Variants in IBSP observed in about 807,000 individuals in gnomAD.
IBSP encodes the protein integrin-binding sialoprotein.
Under a neutral mutation model 25.5 loss-of-function variants are expected in IBSP, and 19 were observed. That is an observed-to-expected ratio of 0.74 (90% CI 0.52 to 1.09). The LOEUF (loss-of-function observed/expected upper bound fraction) is 1.09. Among genes scored for constraint, IBSP ranks in the 50% least tolerant of loss-of-function variants. The pLI, the probability that IBSP is intolerant of heterozygous loss-of-function variation, is 0.00. For missense variants in IBSP, 360 were observed against 382.3 expected (o/e 0.94, Z 0.49); for synonymous variants, 144 against 137.6 (o/e 1.05, Z -0.33).
intron 5 of IBSP, among the ~76,000 whole-genome samples, chr4:87,809,278 T>C (rs1305642686): frequency 6.6e-6 from 1 of 152,164 alleles, no homozygotes; most frequent in African/African-American, 2.4e-5. Context: ...ATAAAGTATC[T>C]GGGAAAAGAA....
At chr4:87,808,517 T>G (rs757705895) in intron 5 of IBSP, among the ~76,000 whole-genome samples, 4 of 152,112 alleles carry the variant, frequency 2.6e-5, no homozygotes, top group Non-Finnish European at 5.9e-5. Flanking sequence ...CATAATAAAA[T>G]TATCCTAATT....
intron 4 of IBSP, among the ~76,000 whole-genome samples, chr4:87,803,608 C>A (rs763301163): frequency 3.3e-5 from 5 of 152,154 alleles, no homozygotes; most frequent in Non-Finnish European, 7.3e-5. Context: ...GAAAACGATG[C>A]CTCAGCACAG....
At chr4:87,806,100 A>G in intron 4 of IBSP, 22 bp from the exon 5 acceptor site, 2 of 1,568,462 alleles carry the variant, frequency 1.3e-6, no homozygotes, top group South Asian at 1.1e-5. Context: ...AAGAGTATAC[A>G]TACATGTGTA....
chr4:87,811,277 T>A, intron 6 of IBSP, 85 bp from the exon 7 acceptor site: 1 of 1,430,332 alleles, frequency 7.0e-7, no homozygotes, highest in Admixed American at 2.3e-5. Context: ...AATAAGGCTG[T>A]CAGTATTGTG....
chr4:87,803,902 T>A (rs1036646292), intron 4 of IBSP, among the ~76,000 whole-genome samples: 4 of 152,198 alleles, frequency 2.6e-5, no homozygotes, highest in Admixed American at 1.3e-4. Flanking sequence ...AGTCTCTGAC[T>A]AGCTCCTAAA....
At position 87,811,988 on chromosome 4, in the gene IBSP, C is replaced by A; in HGVS notation, c.*78C>A. 1 of 1,127,548 alleles carries A rather than the reference C, an allele frequency of 8.9e-7. No individual in the cohort carries two copies. The highest frequency in any genetic ancestry group is 1.3e-6 in the Non-Finnish European group (1 of 790,736). 69.8% of individuals were successfully genotyped at this position (1,127,548 alleles called of 1,614,324 possible). On this transcript the variant is annotated 3_prime_UTR_variant, in exon 7 of 7. Transcript: ENST00000226284. ...TTTCGAAGTTCAACTCAGGAAGGTG[C>A]AATATAACAAATGTGCATATTATAA...
At chr4:87,810,405 G>T (rs1008229857) in intron 5 of IBSP, among the ~76,000 whole-genome samples, 1 of 152,160 alleles carries the variant, frequency 6.6e-6, no homozygotes, top group African/African-American at 2.4e-5. Flanking sequence ...GGAGTAAGGA[G>T]GATTCAATAA....
rs1722145703 is a variant in IBSP at position 87,809,895 on chromosome 4, G to T, written c.247-711G>T. On this transcript the variant is annotated intron_variant, in intron 5 of 6. Transcript: ENST00000226284. ...AAAGGCTAAAAGATTAAATATTAAAGATTATAATAGACATTCATTTGAAGA... is the reference window on the plus strand; with the variant it reads ...AAAGGCTAAAAGATTAAATATTAAATATTATAATAGACATTCATTTGAAGA... Among the ~76,000 whole-genome samples the T allele has an allele frequency of 2.6e-5, 4 of 152,210 alleles. No homozygotes were observed. In the South Asian group the frequency reaches 8.3e-4, roughly 32 times the overall value.
intron 1 of IBSP, among the ~76,000 whole-genome samples, chr4:87,800,508 GC>G (rs1176707771): frequency 2.6e-5 from 4 of 152,082 alleles, no homozygotes; most frequent in Non-Finnish European, 5.9e-5. Flanking sequence ...TTGCTGATGG[GC>G]TTGGTCACGG....
chr4:87,809,956 G>T (rs1299366908), intron 5 of IBSP, among the ~76,000 whole-genome samples: 1 of 152,166 alleles, frequency 6.6e-6, no homozygotes, highest in Non-Finnish European at 1.5e-5. Flanking sequence ...TGCAGACTGG[G>T]CGCGGTGGCT....
At position 87,806,308 on chromosome 4, in the gene IBSP, C is replaced by T. The variant is rs555781105; in HGVS notation, c.246+124C>T. ...CACTTTACTAACTGCCCATAATATC[C>T]TATTTTGGATAAGCAGAATTTTATT... is the stretch of plus-strand genomic sequence containing the variant. On this transcript the variant is annotated intron_variant, in intron 5 of 6. Coordinates refer to ENST00000226284, the MANE Select transcript of IBSP (RefSeq NM_004967.4). 476 of 714,356 alleles carry T rather than the reference C, an allele frequency of 6.7e-4. 1 individual carries two copies. Among genetic ancestry groups the T allele is most frequent in the Middle Eastern group, 3.0e-3 (12 of 3,998 alleles). 44.3% of individuals were successfully genotyped at this position (714,356 alleles called of 1,614,324 possible).
In IBSP at chr4:87,802,860, A is replaced by G. The variant is rs370552153; in HGVS notation, c.183+129A>G. ...AGTCAAAAAGACTGCTTACTATAAG[A>G]AGTTTGTTTTTAGGGAAATAAGGTT... On this transcript the variant is annotated intron_variant, in intron 4 of 6. Coordinates refer to ENST00000226284, the MANE Select transcript of IBSP (RefSeq NM_004967.4). The G allele has an allele frequency of 1.3e-4, 78 of 614,432 alleles. No homozygotes were observed. The African/African-American group carries it at 1.3e-3, about 10-fold the overall frequency. The allele number at this position is 614,432 out of a possible 1,614,324, so 38.1% of individuals were successfully genotyped here.
chr4:87,809,575 G>T (rs1482226120), intron 5 of IBSP, among the ~76,000 whole-genome samples: 1 of 152,188 alleles, frequency 6.6e-6, no homozygotes, highest in African/African-American at 2.4e-5. Flanking sequence ...ACTGTTTGGG[G>T]TATACTCTGG....
intron 5 of IBSP, among the ~76,000 whole-genome samples, chr4:87,809,309 A>C (rs549092586): frequency 6.6e-6 from 1 of 152,304 alleles, no homozygotes; most frequent in South Asian, 2.1e-4. Flanking sequence ...AGAAAATATA[A>C]AAGTTGGGAT....
In IBSP at chr4:87,811,755, G is replaced by T. The variant is rs541349876; in HGVS notation, c.799G>T (p.Gly267Cys). Residue 267 changes from glycine (G) to cysteine (C), a missense_variant, in exon 7 of 7, where the codon GGC becomes TGC. Transcript: ENST00000226284. ...VEYEGEYEYT[G>C]ANEYDNGYEI... ...ATACGAGGGGGAGTACGAATACACGGGCGCCAATGAATACGACAATGGATA... is the reference window on the plus strand; with the variant it reads ...ATACGAGGGGGAGTACGAATACACGTGCGCCAATGAATACGACAATGGATA... 3.7e-6 allele frequency: 6 copies of T among 1,614,058 alleles called. No homozygotes were observed. The highest frequency in any genetic ancestry group is 5.1e-6 in the Non-Finnish European group (6 of 1,179,984).
At chr4:87,807,278 A>G (rs1251020568) in intron 5 of IBSP, among the ~76,000 whole-genome samples, 2 of 152,196 alleles carry the variant, frequency 1.3e-5, no homozygotes, top group African/African-American at 4.8e-5. Flanking sequence ...CTCAGGTGCT[A>G]TTTATGAATG....
At chr4:87,802,822 C>A in intron 4 of IBSP, 91 bp downstream of exon 4, 1 of 810,082 alleles carries the variant, frequency 1.2e-6, no homozygotes, top group Non-Finnish European at 1.8e-6. Context: ...AAATTCAACT[C>A]TCACTGAAAT....
rs1480265028 is a variant in IBSP at position 87,812,018 on chromosome 4, G to C, written c.*108G>C. On this transcript the variant is annotated 3_prime_UTR_variant, in exon 7 of 7. Transcript: ENST00000226284. ...TAACAAATGTGCATATTATAATGAG[G>C]AATGGTACTACCGTTCCAGATTTTC... 1 of 847,644 alleles carries C rather than the reference G, an allele frequency of 1.2e-6. No individual in the cohort carries two copies. The highest frequency in any genetic ancestry group is 1.8e-6 in the Non-Finnish European group (1 of 556,972). 52.5% of individuals were successfully genotyped at this position (847,644 alleles called of 1,614,324 possible).
At chr4:87,803,295 T>C (rs1722047293) in intron 4 of IBSP, among the ~76,000 whole-genome samples, 1 of 152,020 alleles carries the variant, frequency 6.6e-6, no homozygotes, top group South Asian at 2.1e-4. Flanking sequence ...ATAATCATAA[T>C]GGTAAAACTG....
Sources: allele counts gnomAD v4.1 joint callset (sites outside exome capture counted in the v4.1 genomes callset), GRCh38; gene constraint gnomAD v4.1.1; transcripts MANE v1.5; gene names NCBI Gene and HGNC (gene_info 2026-07-23, HGNC 2026-07-21).